Variants in PKN2 observed in about 807,000 individuals in gnomAD.
PKN2 encodes the protein serine/threonine-protein kinase N2.
PKN2 carries 38 observed loss-of-function variants against 119.1 expected under a neutral mutation model. The observed-to-expected ratio is 0.32, with a 90% CI of 0.25 to 0.42. The LOEUF (loss-of-function observed/expected upper bound fraction) is 0.42. PKN2 is among the 10% of genes least tolerant of loss of function. The pLI is 1.00. For synonymous variants in PKN2, 390 were observed against 384.9 expected (o/e 1.01, Z -0.15); for missense variants, 850 against 1,165.1 (o/e 0.73, Z 3.94).
intron 1 of PKN2, among the ~76,000 whole-genome samples, chr1:88,724,882 G>GTTTTTTTTTTTTTTTTTTTTTT (rs60507382): frequency 1.9e-5 from 2 of 106,012 alleles, no homozygotes; most frequent in African/African-American, 4.3e-5. Flanking sequence ...CCACCCCTTG[G>GTTTTTTTTTTTTTTTTTTTTTT]TTTTTTTTTT....
At chr1:88,684,978 CCT>C (rs1335767951) in intron 1 of PKN2, 1 of 238,648 alleles carries the variant, frequency 4.2e-6, no homozygotes, top group African/African-American at 2.3e-5. Context: ...CGCGAACGCC[CCT>C]GTTGCCCCCT....
intron 3 of PKN2, among the ~76,000 whole-genome samples, chr1:88,765,378 G>A (rs906006774): frequency 2.6e-5 from 4 of 151,792 alleles, no homozygotes; most frequent in Admixed American, 6.6e-5. Flanking sequence ...ATCTTGCATC[G>A]GTTTTAAGTG....
intron 17 of PKN2, among the ~76,000 whole-genome samples, 195 bp from the exon 18 acceptor site, chr1:88,824,115 A>G (rs1672404992): frequency 6.6e-6 from 1 of 152,128 alleles, no homozygotes; most frequent in African/African-American, 2.4e-5. Flanking sequence ...GCTACCTTAT[A>G]TAGAGTAATA....
In PKN2 at chr1:88,728,595, G is replaced by A. The variant is rs193261475; in HGVS notation, c.49-12393G>A. On this transcript the variant is annotated intron_variant, in intron 1 of 21. Transcript: ENST00000370521. ...AAAAATAGATAACCATATAACTACT[G>A]TACTTTCGTTGATAAAGTTGTTTCC... Among the ~76,000 whole-genome samples, 4 of 152,052 alleles carry A rather than the reference G, an allele frequency of 2.6e-5. No individual in the cohort carries two copies. In the East Asian group the frequency reaches 7.7e-4, roughly 29 times the overall value.
At chr1:88,793,500 C>G (rs543053270) in intron 8 of PKN2, among the ~76,000 whole-genome samples, 3 of 151,458 alleles carry the variant, frequency 2.0e-5, no homozygotes, top group African/African-American at 7.3e-5. Flanking sequence ...ACTTTTTTTT[C>G]TTTTTTGTTT....
chr1:88,792,503 C>T lies in PKN2; in HGVS notation c.1281+6290C>T, dbSNP rs142767459. Among the ~76,000 whole-genome samples, 453 of 152,236 alleles carry T rather than the reference C, an allele frequency of 3.0e-3. 3 individuals are homozygous for T. Among genetic ancestry groups the T allele is most frequent in the South Asian group, 7.9e-3 (38 of 4,828 alleles). On this transcript the variant is annotated intron_variant, in intron 8 of 21. Transcript: ENST00000370521. ...AGCTGTATAGTTGACCCTTGAGCAACGCAGGGGCTAGGGAGCACAAGCCTA... is the reference window on the plus strand; with the variant it reads ...AGCTGTATAGTTGACCCTTGAGCAATGCAGGGGCTAGGGAGCACAAGCCTA...
At chr1:88,692,816 T>C (rs1273537386) in intron 1 of PKN2, among the ~76,000 whole-genome samples, 1 of 152,178 alleles carries the variant, frequency 6.6e-6, no homozygotes, top group Non-Finnish European at 1.5e-5. Context: ...TGGAGTTGTG[T>C]GGGAGGGACA....
intron 1 of PKN2, among the ~76,000 whole-genome samples, chr1:88,718,717 T>G (rs1341328706): frequency 6.6e-6 from 1 of 152,180 alleles, no homozygotes; most frequent in Non-Finnish European, 1.5e-5. Flanking sequence ...TATCCTATAT[T>G]TAATAACCTT....
At chr1:88,782,845 C>T (rs1438965560) in intron 6 of PKN2, among the ~76,000 whole-genome samples, 1 of 152,140 alleles carries the variant, frequency 6.6e-6, no homozygotes, top group Admixed American at 6.5e-5. Flanking sequence ...TGAGTAGATG[C>T]AGACATTGTG....
intron 6 of PKN2, among the ~76,000 whole-genome samples, chr1:88,776,429 GTT>G (rs1216575000): frequency 6.6e-6 from 1 of 150,750 alleles, no homozygotes; most frequent in Non-Finnish European, 1.5e-5. Flanking sequence ...TGGCAATTTT[GTT>G]TTTTTCCAGC....
At chr1:88,749,179 T>G (rs971212999) in intron 2 of PKN2, among the ~76,000 whole-genome samples, 7 of 152,178 alleles carry the variant, frequency 4.6e-5, no homozygotes, top group Non-Finnish European at 1.0e-4. Flanking sequence ...GGTACAGAGT[T>G]ATGTACAGAA....
In PKN2 at chr1:88,805,673, T is replaced by G; in HGVS notation, c.1676+2T>G. 1 of 1,613,834 alleles carries G rather than the reference T, an allele frequency of 6.2e-7. No individual in the cohort carries two copies. Among genetic ancestry groups the G allele is most frequent in the Non-Finnish European group, 8.5e-7 (1 of 1,179,876 alleles). On this transcript the variant is annotated splice_donor_variant, in intron 11 of 21. Transcript: ENST00000370521. LOFTEE classifies it high-confidence loss of function. ...CCCTCAACTAGCACCTCCAGCTAGG[T>G]ATGTGTCTGAGATTTTAAGCATCTC...
intron 2 of PKN2, among the ~76,000 whole-genome samples, chr1:88,744,997 A>G (rs1668717822): frequency 6.6e-6 from 1 of 152,246 alleles, no homozygotes; most frequent in Non-Finnish European, 1.5e-5. Context: ...AAAGATGATC[A>G]TATGATTTTT....
chr1:88,741,521 ACTCT>A (rs916914409), intron 2 of PKN2, among the ~76,000 whole-genome samples: 1 of 152,014 alleles, frequency 6.6e-6, no homozygotes, highest in African/African-American at 2.4e-5. Flanking sequence ...ATTCTCTCTT[ACTCT>A]CTATCAGTAG....
intron 6 of PKN2, among the ~76,000 whole-genome samples, chr1:88,781,641 TAAAG>T (rs1241386316): frequency 6.6e-6 from 1 of 152,132 alleles, no homozygotes; most frequent in South Asian, 2.1e-4. Context: ...AGATGTTTAA[TAAAG>T]AACTCCCTCT....
intron 8 of PKN2, among the ~76,000 whole-genome samples, chr1:88,793,826 A>G (rs1325439863): frequency 6.6e-6 from 1 of 152,176 alleles, no homozygotes; most frequent in Non-Finnish European, 1.5e-5. Flanking sequence ...TTGTTTAGGG[A>G]ATATTGACAA....
At chr1:88,737,062 G>A (rs903445930) in intron 1 of PKN2, among the ~76,000 whole-genome samples, 4 of 152,224 alleles carry the variant, frequency 2.6e-5, no homozygotes, top group Non-Finnish European at 4.4e-5. Context: ...TCTCCACACT[G>A]TGCTGCCTGG....
chr1:88,822,555 A>G (rs1242341866), intron 17 of PKN2, among the ~76,000 whole-genome samples: 4 of 151,298 alleles, frequency 2.6e-5, no homozygotes, highest in Non-Finnish European at 5.9e-5. Context: ...GAATTAGAAG[A>G]CTATAAACAT....
At position 88,804,373 on chromosome 1, in the gene PKN2, T is replaced by C. The variant is rs775441393; in HGVS notation, c.1282-18T>C. 2.5e-6 allele frequency: 4 copies of C among 1,569,676 alleles called. No individual in the cohort carries two copies. The East Asian group carries it at 9.3e-5, about 37-fold the overall frequency. ...ATGTCTTTTCTGTTTTCTTTATTAT[T>C]TTTTTTAATTATCCTAGTCACGTGA... On this transcript the variant is annotated intron_variant, in intron 8 of 21. Coordinates refer to ENST00000370521, the MANE Select transcript of PKN2 (RefSeq NM_006256.4).
Sources: gnomAD v4.1 joint callset for allele counts (sites outside exome capture counted in the v4.1 genomes callset) on GRCh38, gnomAD v4.1.1 for gene constraint, MANE v1.5 for transcripts, NCBI Gene and HGNC (gene_info 2026-07-23, HGNC 2026-07-21) for gene names.